CSTPP1: variants seen among roughly 807,000 people sequenced by gnomAD.
The protein encoded by CSTPP1 is centriolar satellite-associated tubulin polyglutamylase complex regulator 1, also known as UPF0705 protein C11orf49.
the CSTPP1 span, among the ~76,000 whole-genome samples, chr11:47,033,654 GT>G: frequency 1.3e-5 from 2 of 152,188 alleles, no homozygotes; most frequent in Non-Finnish European, 2.9e-5. Context: ...TCTGGATGCA[GT>G]TTTCTCCAGC....
the CSTPP1 span, among the ~76,000 whole-genome samples, chr11:47,101,197 T>TTTTTTTTTTTTTTTTTTTTTTTTTTTG: frequency 7.3e-6 from 1 of 136,820 alleles, no homozygotes; most frequent in Non-Finnish European, 1.6e-5. Context: ...TTTATTTTAT[T>TTTTTTTTTTTTTTTTTTTTTTTTTTTG]TTTAGTAGAG....
At chr11:46,946,415 T>C in the CSTPP1 span, among the ~76,000 whole-genome samples, 1 of 152,164 alleles carries the variant, frequency 6.6e-6, no homozygotes, top group South Asian at 2.1e-4. Context: ...TCCCAGCACT[T>C]TGGGAGGCCA....
the CSTPP1 span, among the ~76,000 whole-genome samples, chr11:47,093,596 G>A: frequency 6.6e-6 from 1 of 152,160 alleles, no homozygotes; most frequent in Non-Finnish European, 1.5e-5. Context: ...GCAACATAGC[G>A]TAATGGTCAA....
the CSTPP1 span, among the ~76,000 whole-genome samples, chr11:47,158,853 C>T: frequency 6.6e-6 from 1 of 152,084 alleles, no homozygotes; most frequent in Non-Finnish European, 1.5e-5. Flanking sequence ...TTTTTTGTGT[C>T]TCGAGAGATC....
the CSTPP1 span, among the ~76,000 whole-genome samples, chr11:47,086,176 G>T: frequency 7.1e-6 from 1 of 141,456 alleles, no homozygotes; most frequent in Non-Finnish European, 1.5e-5. Context: ...ATCACTTGAG[G>T]TCAGGAGTTT....
the CSTPP1 span, chr11:46,948,309 G>A: frequency 8.0e-6 from 3 of 375,726 alleles, no homozygotes; most frequent in Non-Finnish European, 1.6e-5. Flanking sequence ...GAGATTAAAT[G>A]TGTCTGGTAT....
chr11:47,066,626 G>A, the CSTPP1 span, among the ~76,000 whole-genome samples: 1 of 152,200 alleles, frequency 6.6e-6, no homozygotes, highest in East Asian at 1.9e-4. Context: ...TAAAGTAGAT[G>A]ATAATCATAC....
At chr11:47,028,179 TC>T in the CSTPP1 span, among the ~76,000 whole-genome samples, 1 of 152,186 alleles carries the variant, frequency 6.6e-6, no homozygotes. Context: ...CGCCTCGGCC[TC>T]CCAAAGTGCT....
chr11:47,161,934 C>CTT, the CSTPP1 span: 1 of 1,146,214 alleles, frequency 8.7e-7, no homozygotes, highest in Non-Finnish European at 1.1e-6. Context: ...CTCCTAACCT[C>CTT]TTAAGAGCAG....
chr11:47,101,176 TTTTTTTTTTTTTTATTTTA>T, the CSTPP1 span, among the ~76,000 whole-genome samples: 10 of 90,514 alleles, frequency 1.1e-4, 1 homozygote, highest in Admixed American at 3.5e-4. Context: ...TTTTTTTTTT[TTTTTTTTTTTTTTATTTTA>T]TTTTTAGTAG....
At chr11:46,967,395 C>T in the CSTPP1 span, among the ~76,000 whole-genome samples, 1 of 152,168 alleles carries the variant, frequency 6.6e-6, no homozygotes, top group African/African-American at 2.4e-5. Flanking sequence ...TTTCTAGATT[C>T]TTATATTCCA....
the CSTPP1 span, among the ~76,000 whole-genome samples, chr11:46,957,872 T>C: frequency 1.3e-5 from 2 of 152,218 alleles, no homozygotes. Context: ...ATATCTATTG[T>C]ATTAGCCAGA....
chr11:47,117,777 T>C, the CSTPP1 span, among the ~76,000 whole-genome samples: 1 of 152,162 alleles, frequency 6.6e-6, no homozygotes, highest in Admixed American at 6.5e-5. Context: ...CAATCAAACA[T>C]AGATTTGGTC....
At chr11:46,993,298 GT>G in the CSTPP1 span, among the ~76,000 whole-genome samples, 1 of 150,230 alleles carries the variant, frequency 6.7e-6, no homozygotes, top group Non-Finnish European at 1.5e-5. Context: ...TGTTTTAGAC[GT>G]GAAGAAGTCC....
At chr11:47,038,270 G>A in the CSTPP1 span, among the ~76,000 whole-genome samples, 1 of 112,976 alleles carries the variant, frequency 8.9e-6, no homozygotes, top group East Asian at 2.5e-4. Flanking sequence ...GCGGCTGGCC[G>A]GGCGGGGGGC....
the CSTPP1 span, among the ~76,000 whole-genome samples, chr11:47,084,282 A>G: frequency 6.6e-6 from 1 of 152,192 alleles, no homozygotes; most frequent in East Asian, 1.9e-4. Flanking sequence ...CAGTGGTAGG[A>G]GTTCTTTACA....
the CSTPP1 span, among the ~76,000 whole-genome samples, chr11:47,116,722 C>G: frequency 7.2e-6 from 1 of 138,652 alleles, no homozygotes; most frequent in African/African-American, 2.7e-5. Flanking sequence ...CTCTGTCACG[C>G]AGGCTGGAGT....
At chr11:46,947,739 A>T in the CSTPP1 span, among the ~76,000 whole-genome samples, 3 of 152,192 alleles carry the variant, frequency 2.0e-5, no homozygotes, top group African/African-American at 7.2e-5. Context: ...TCTAGCCCCG[A>T]GATTACAGGT....
At chr11:47,072,483 C>T in the CSTPP1 span, among the ~76,000 whole-genome samples, 12 of 152,188 alleles carry the variant, frequency 7.9e-5, no homozygotes, top group Admixed American at 2.0e-4. Context: ...GAGATGAAAC[C>T]GATATAGGAA....
Sources: allele counts gnomAD v4.1 joint callset (sites outside exome capture counted in the v4.1 genomes callset), GRCh38; gene constraint gnomAD v4.1.1; transcripts MANE v1.5; gene names NCBI Gene and HGNC (gene_info 2026-07-23, HGNC 2026-07-21).